Variants in TAFA1 observed in about 807,000 individuals in gnomAD.
TAFA1 encodes the protein TAFA chemokine like family member 1.
In TAFA1, 4 loss-of-function variants were observed where a neutral mutation model predicts 18.5. That is an observed-to-expected ratio of 0.22 (90% confidence interval 0.11 to 0.49). TAFA1 has a LOEUF of 0.49. Among genes scored for constraint, TAFA1 ranks in the 20% least tolerant of loss-of-function variants. The pLI, the probability that TAFA1 is intolerant of heterozygous loss-of-function variation, is 0.98. For synonymous variants in TAFA1, 56 were observed against 55.2 expected, an observed-to-expected ratio of 1.01 and a Z score of -0.06; for missense variants, 147 against 169.0, an observed-to-expected ratio of 0.87 and a Z score of 0.72.
intron 3 of TAFA1, among the ~76,000 whole-genome samples, chr3:68,439,420 T>C (rs955538223): frequency 4.5e-5 from 5 of 110,750 alleles, no homozygotes; most frequent in African/African-American, 1.0e-4. Context: ...TACATATATA[T>C]ATATATATAT....
At chr3:68,232,184 G>T (rs964278470) in intron 2 of TAFA1, among the ~76,000 whole-genome samples, 1 of 152,060 alleles carries the variant, frequency 6.6e-6, no homozygotes, top group Non-Finnish European at 1.5e-5. Flanking sequence ...CTGTCATTTT[G>T]TATATGTTAA....
chr3:68,515,319 GC>G (rs1257309445), intron 3 of TAFA1, among the ~76,000 whole-genome samples: 1 of 152,198 alleles, frequency 6.6e-6, no homozygotes, highest in Non-Finnish European at 1.5e-5. Context: ...ACTAGAGCCA[GC>G]CCAGCTTCAG....
intron 2 of TAFA1, among the ~76,000 whole-genome samples, chr3:68,030,758 A>G (rs1323074793): frequency 2.6e-5 from 4 of 152,128 alleles, no homozygotes; most frequent in Non-Finnish European, 5.9e-5. Context: ...AATGATTTAT[A>G]ATCCTTTGGG....
chr3:68,157,953 C>A (rs916244982), intron 2 of TAFA1, among the ~76,000 whole-genome samples: 6 of 152,094 alleles, frequency 3.9e-5, no homozygotes, highest in African/African-American at 1.4e-4. Context: ...ACATTTGAGT[C>A]CCTTTACTCT....
chr3:68,380,356 A>G (rs2069917367), intron 2 of TAFA1, among the ~76,000 whole-genome samples: 1 of 152,196 alleles, frequency 6.6e-6, no homozygotes, highest in East Asian at 1.9e-4. Context: ...GACTTCCACA[A>G]TGGTTGAACT....
intron 2 of TAFA1, among the ~76,000 whole-genome samples, chr3:68,056,428 C>T (rs564698600): frequency 5.9e-5 from 9 of 152,170 alleles, no homozygotes; most frequent in Non-Finnish European, 1.3e-4. Flanking sequence ...ACCCTCTGTC[C>T]TTACCAAACC....
At chr3:68,404,708 G>A (rs1029146022) in intron 2 of TAFA1, among the ~76,000 whole-genome samples, 36 of 151,964 alleles carry the variant, frequency 2.4e-4, no homozygotes, top group African/African-American at 8.7e-4. Context: ...GAGGAAGGAG[G>A]GTCGCTTGAA....
In TAFA1 at chr3:68,228,029, T is replaced by C. The variant is rs563854927; in HGVS notation, c.119-189251T>C. Among the ~76,000 whole-genome samples the C allele has an allele frequency of 5.9e-5, 9 of 152,264 alleles. No homozygotes were observed. The South Asian group carries it at 1.9e-3, about 32-fold the overall frequency. ...GGTTGACAAGTGCATAAGTAGCTTGTAGCTGAGCCCTCAGGATGGAAAGAT... is the reference window on the plus strand; with the variant it reads ...GGTTGACAAGTGCATAAGTAGCTTGCAGCTGAGCCCTCAGGATGGAAAGAT... On this transcript the variant is annotated intron_variant, in intron 2 of 4. Coordinates refer to ENST00000478136, the MANE Select transcript of TAFA1 (RefSeq NM_213609.4).
chr3:68,312,732 T>A (rs144432819), intron 2 of TAFA1, among the ~76,000 whole-genome samples: 146 of 152,318 alleles, frequency 9.6e-4, no homozygotes, highest in African/African-American at 3.2e-3. Flanking sequence ...ACCTCTAAAC[T>A]GTTCCAACCT....
intron 3 of TAFA1, among the ~76,000 whole-genome samples, chr3:68,428,899 G>T (rs1434954227): frequency 2.0e-5 from 3 of 151,928 alleles, no homozygotes; most frequent in Non-Finnish European, 2.9e-5. Flanking sequence ...CTTTATGCCA[G>T]ATGCCTCTTC....
At chr3:68,146,981 C>A (rs1441550173) in intron 2 of TAFA1, among the ~76,000 whole-genome samples, 3 of 151,096 alleles carry the variant, frequency 2.0e-5, no homozygotes, top group African/African-American at 7.3e-5. Flanking sequence ...AAAGAGAGAA[C>A]AAGGACTTTA....
intron 2 of TAFA1, among the ~76,000 whole-genome samples, chr3:68,241,660 G>A (rs945383235): frequency 1.3e-5 from 2 of 152,066 alleles, no homozygotes; most frequent in African/African-American, 2.4e-5. Context: ...TTTTCCTTAT[G>A]ACTTTCTTAA....
Position 68,221,985 on chromosome 3 carries a change from G to A in TAFA1, c.119-195295G>A, listed in dbSNP as rs189873307. Among the ~76,000 whole-genome samples, 23 of 152,288 alleles carry A rather than the reference G, an allele frequency of 1.5e-4. No homozygotes were observed. In the East Asian group the frequency reaches 2.1e-3, roughly 14 times the overall value. On this transcript the variant is annotated intron_variant, in intron 2 of 4. Transcript: ENST00000478136. ...AAGGTGTTTTGGGGTCAACTGTGGAGAGCTTACTCCCTCAAGATGAATAAC... is the reference window on the plus strand; with the variant it reads ...AAGGTGTTTTGGGGTCAACTGTGGAAAGCTTACTCCCTCAAGATGAATAAC...
chr3:68,354,652 T>C lies in TAFA1; in HGVS notation c.119-62628T>C, dbSNP rs948293449. Among the ~76,000 whole-genome samples, 3 of 152,018 alleles carry C rather than the reference T, an allele frequency of 2.0e-5. No individual in the cohort carries two copies. In the East Asian group the frequency reaches 5.8e-4, roughly 29 times the overall value. On this transcript the variant is annotated intron_variant, in intron 2 of 4. Transcript: ENST00000478136. ...AACAAAATACTTTAGACTAGGTAATTAATAAAGAACAAATTTATTTCTCAC... is the reference window on the plus strand; with the variant it reads ...AACAAAATACTTTAGACTAGGTAATCAATAAAGAACAAATTTATTTCTCAC...
At chr3:68,294,516 G>A (rs534150266) in intron 2 of TAFA1, among the ~76,000 whole-genome samples, 12 of 152,226 alleles carry the variant, frequency 7.9e-5, no homozygotes, top group Non-Finnish European at 1.5e-4. Context: ...CTGCCAAAAC[G>A]ATTAAGTCAC....
intron 4 of TAFA1, among the ~76,000 whole-genome samples, chr3:68,542,475 G>A (rs971402920): frequency 1.3e-5 from 2 of 152,046 alleles, no homozygotes; most frequent in Non-Finnish European, 2.9e-5. Context: ...AGTTGGGGAG[G>A]CTCTATCCCA....
At chr3:68,327,213 C>G (rs964078306) in intron 2 of TAFA1, among the ~76,000 whole-genome samples, 1 of 152,122 alleles carries the variant, frequency 6.6e-6, no homozygotes, top group African/African-American at 2.4e-5. Flanking sequence ...TTCATTAAAC[C>G]TCTTTCCTTT....
intron 3 of TAFA1, among the ~76,000 whole-genome samples, chr3:68,532,880 A>AAATAATAATAATAAT (rs3037452): frequency 6.8e-6 from 1 of 146,444 alleles, no homozygotes; most frequent in African/African-American, 2.5e-5. Flanking sequence ...TTGTAAAGCA[A>AAATAATAATAATAAT]AATAATAATA....
intron 2 of TAFA1, among the ~76,000 whole-genome samples, chr3:68,184,555 G>C (rs1031019795): frequency 2.0e-5 from 3 of 152,054 alleles, no homozygotes; most frequent in Admixed American, 6.6e-5. Flanking sequence ...AGTCTGAAAT[G>C]CTACATAGGT....
Sources: gnomAD v4.1 joint callset for allele counts (sites outside exome capture counted in the v4.1 genomes callset) on GRCh38, gnomAD v4.1.1 for gene constraint, MANE v1.5 for transcripts, NCBI Gene and HGNC (gene_info 2026-07-23, HGNC 2026-07-21) for gene names.